The following MDGA2 variants were observed in gnomAD, a reference collection of about 807,000 sequenced individuals.
MDGA2 encodes MAM domain containing glycosylphosphatidylinositol anchor 2.
Under a neutral mutation model 117.8 loss-of-function variants are expected in MDGA2, and 40 were observed. The ratio of observed to expected loss-of-function variants is 0.34; its 90% CI spans 0.26 to 0.44. The LOEUF (loss-of-function observed/expected upper bound fraction) is 0.44. MDGA2 is among the 20% of genes least tolerant of loss of function. The pLI is 1.00. For synonymous variants in MDGA2, 452 were observed against 439.0 expected, an observed-to-expected ratio of 1.03 and a Z score of -0.37; for missense variants, 1,123 against 1,250.6, an observed-to-expected ratio of 0.90 and a Z score of 1.54.
rs201949494 is a variant in MDGA2 at position 47,329,506 on chromosome 14, C to T, written c.281-27956G>A. Among the ~76,000 whole-genome samples the T allele has an allele frequency of 2.2e-4, 33 of 152,200 alleles. No homozygotes were observed. The East Asian group carries it at 5.8e-3, about 27-fold the overall frequency. ...CAAAGTTGATATTCTTCAAAAGCTT[C>T]TCACTTCCCATTAATGAGCATATCG... On this transcript the variant is annotated intron_variant, in intron 1 of 16. Transcript: ENST00000399232.
intron 1 of MDGA2, among the ~76,000 whole-genome samples, chr14:47,566,688 C>A (rs1895925660): frequency 6.6e-6 from 1 of 152,042 alleles, no homozygotes. Context: ...CACACTCATT[C>A]CCCAGGAGTC....
At chr14:47,076,261 CTT>C (rs1446030236) in intron 6 of MDGA2, among the ~76,000 whole-genome samples, 1 of 151,626 alleles carries the variant, frequency 6.6e-6, no homozygotes, top group Non-Finnish European at 1.5e-5. Flanking sequence ...GGAAAAAAAA[CTT>C]AATACTCTTT....
At chr14:47,219,760 TAA>T (rs1011799065) in intron 2 of MDGA2, among the ~76,000 whole-genome samples, 2 of 152,018 alleles carry the variant, frequency 1.3e-5, no homozygotes, top group African/African-American at 4.8e-5. Flanking sequence ...AATGTATTAT[TAA>T]GTTAAAAAAG....
intron 7 of MDGA2, chr14:47,059,247 G>T: frequency 9.5e-7 from 1 of 1,049,090 alleles, no homozygotes; most frequent in Non-Finnish European, 1.3e-6. Context: ...AATGAGTGAT[G>T]CAGACAAAGT....
intron 1 of MDGA2, among the ~76,000 whole-genome samples, chr14:47,389,827 A>G (rs1001759438): frequency 1.3e-5 from 2 of 152,252 alleles, no homozygotes; most frequent in Non-Finnish European, 2.9e-5. Flanking sequence ...GGATTCTAAC[A>G]TAATTCCCTT....
intron 3 of MDGA2, among the ~76,000 whole-genome samples, chr14:47,213,130 G>A (rs1401249941): frequency 6.6e-6 from 1 of 151,900 alleles, no homozygotes; most frequent in South Asian, 2.1e-4. Flanking sequence ...GGGTGCATTA[G>A]CCAAAAAAAA....
intron 2 of MDGA2, among the ~76,000 whole-genome samples, chr14:47,253,041 A>G (rs1346654665): frequency 6.6e-6 from 1 of 152,208 alleles, no homozygotes; most frequent in Non-Finnish European, 1.5e-5. Flanking sequence ...ACTTACTATC[A>G]TGAGAACAGC....
At chr14:46,864,030 G>A (rs1301660672) in intron 14 of MDGA2, among the ~76,000 whole-genome samples, 5 of 151,702 alleles carry the variant, frequency 3.3e-5, no homozygotes, top group African/African-American at 1.2e-4. Context: ...TCGTCATCTA[G>A]CATTAGGTAT....
chr14:47,338,684 T>A (rs1463106232), intron 1 of MDGA2, among the ~76,000 whole-genome samples: 1 of 152,070 alleles, frequency 6.6e-6, no homozygotes, highest in Admixed American at 6.6e-5. Flanking sequence ...CACCTCAACA[T>A]TCTACTCACA....
chr14:47,451,282 G>A (rs1283455371), intron 1 of MDGA2, among the ~76,000 whole-genome samples: 1 of 152,042 alleles, frequency 6.6e-6, no homozygotes, highest in East Asian at 1.9e-4. Context: ...AAGGAAACTG[G>A]GATAAGGGAA....
At chr14:47,452,449 T>C (rs1893261045) in intron 1 of MDGA2, among the ~76,000 whole-genome samples, 1 of 152,132 alleles carries the variant, frequency 6.6e-6, no homozygotes, top group Non-Finnish European at 1.5e-5. Flanking sequence ...TTTCAACTTC[T>C]CTCTTAAATG....
At chr14:47,557,702 T>C (rs1895710671) in intron 1 of MDGA2, among the ~76,000 whole-genome samples, 1 of 152,216 alleles carries the variant, frequency 6.6e-6, no homozygotes, top group Admixed American at 6.5e-5. Context: ...CTATATGGCA[T>C]CATGTTCTAC....
At chr14:47,572,324 TTATC>T (rs1896036459) in intron 1 of MDGA2, among the ~76,000 whole-genome samples, 1 of 152,184 alleles carries the variant, frequency 6.6e-6, no homozygotes, top group South Asian at 2.1e-4. Context: ...CACACAAACT[TTATC>T]TAAATCATGG....
intron 5 of MDGA2, among the ~76,000 whole-genome samples, chr14:47,105,327 T>C (rs1333090453): frequency 6.6e-6 from 1 of 151,998 alleles, no homozygotes; most frequent in African/African-American, 2.4e-5. Flanking sequence ...CAATCCCTTA[T>C]TTCTGTGCCC....
At chr14:47,188,810 C>A (rs557066588) in intron 3 of MDGA2, among the ~76,000 whole-genome samples, 220 of 152,120 alleles carry the variant, frequency 1.4e-3, no homozygotes, top group African/African-American at 4.9e-3. Context: ...GCAAAGAGAT[C>A]AAAAAAATCC....
At chr14:46,864,927 A>G (rs1881685198) in intron 14 of MDGA2, among the ~76,000 whole-genome samples, 1 of 151,944 alleles carries the variant, frequency 6.6e-6, no homozygotes. Flanking sequence ...TATTTATTCC[A>G]CTGAGATTCT....
intron 5 of MDGA2, among the ~76,000 whole-genome samples, chr14:47,111,185 G>A (rs1881017942): frequency 6.6e-6 from 1 of 152,114 alleles, no homozygotes; most frequent in African/African-American, 2.4e-5. Context: ...TTACCAAACT[G>A]AGAAACCATT....
chr14:46,896,970 T>A (rs1249516629), intron 10 of MDGA2, among the ~76,000 whole-genome samples: 1 of 152,188 alleles, frequency 6.6e-6, no homozygotes, highest in Non-Finnish European at 1.5e-5. Flanking sequence ...GGCCTACATC[T>A]TTTCAGTAGT....
intron 1 of MDGA2, among the ~76,000 whole-genome samples, chr14:47,415,769 A>G (rs1372366090): frequency 1.3e-5 from 2 of 152,080 alleles, no homozygotes; most frequent in African/African-American, 4.8e-5. Context: ...AGGGGCTAGC[A>G]TGGTTTCTAG....
Sources: allele counts gnomAD v4.1 joint callset (sites outside exome capture counted in the v4.1 genomes callset), GRCh38; gene constraint gnomAD v4.1.1; transcripts MANE v1.5; gene names NCBI Gene and HGNC (gene_info 2026-07-23, HGNC 2026-07-21).